Variants in CENPP observed in about 807,000 individuals in gnomAD.
CENPP encodes centromere protein P.
CENPP carries 24 observed loss-of-function variants against 35.6 expected under a neutral mutation model. That is an observed-to-expected ratio of 0.67 (90% CI 0.49 to 0.95). CENPP has a LOEUF of 0.95. Ranked by LOEUF, CENPP falls within the 40% of genes least tolerant of loss-of-function variation. The probability of loss-of-function intolerance (pLI) is 0.00; values close to 1 mark genes in which losing one functional copy is unlikely to be tolerated. For missense variants in CENPP, 332 were observed against 345.3 expected (o/e 0.96, Z 0.31); for synonymous variants, 120 against 125.5 (o/e 0.96, Z 0.29).
chr9:92,600,225 G>A, intron 5 of CENPP: 1 of 1,280,484 alleles, frequency 7.8e-7, no homozygotes, highest in Non-Finnish European at 1.0e-6. Flanking sequence ...TACAAGAACA[G>A]AAGGGCGTGG....
chr9:92,393,722 A>G (rs1267465574), intron 5 of CENPP, among the ~76,000 whole-genome samples: 1 of 151,882 alleles, frequency 6.6e-6, no homozygotes, highest in African/African-American at 2.4e-5. Context: ...TACTTGTCAT[A>G]CCTCTTGGAA....
chr9:92,362,737 T>C (rs1482408334), intron 4 of CENPP, among the ~76,000 whole-genome samples: 1 of 152,246 alleles, frequency 6.6e-6, no homozygotes, highest in African/African-American at 2.4e-5. Context: ...TCTACTATGA[T>C]GTTTGCAAAA....
chr9:92,509,016 A>T, intron 5 of CENPP, among the ~76,000 whole-genome samples: 1 of 151,980 alleles, frequency 6.6e-6, no homozygotes, highest in Non-Finnish European at 1.5e-5. Flanking sequence ...GCTAGAATTC[A>T]TGAAAAGTAA....
rs1004392957 is a variant in CENPP at position 92,414,003 on chromosome 9, T to C, written c.564+34144T>C. On this transcript the variant is annotated intron_variant, in intron 5 of 7. Transcript: ENST00000375587. ...TTGTTATCATTTGTATAGGCAGCCC[T>C]AGATTGGTATTTGTCCCTTATCTGA... is the stretch of plus-strand genomic sequence containing the variant. 5.3e-5 allele frequency among the ~76,000 whole-genome samples: 8 copies of C among 152,212 alleles called. No individual in the cohort carries two copies. The East Asian group carries it at 5.8e-4, about 11-fold the overall frequency.
rs201457341 is a variant in CENPP, at chr9:92,558,050, A to AT, written c.565-53257dup. Among the ~76,000 whole-genome samples the AT allele has an allele frequency of 1.2e-3, 188 of 151,824 alleles. 3 individuals carry two copies. In the East Asian group the frequency reaches 0.034, roughly 27 times the overall value. On this transcript the variant is annotated intron_variant, in intron 5 of 7. Transcript: ENST00000375587. The stretch of plus-strand genomic sequence containing the variant: ...TATTTCTCCCTTCACTTCTTGTATC[A>AT]TTTTTTTGGATTTCCTTGCTTTGGG...
intron 5 of CENPP, among the ~76,000 whole-genome samples, chr9:92,437,760 T>A (rs552179326): frequency 2.0e-5 from 3 of 152,042 alleles, no homozygotes; most frequent in Non-Finnish European, 2.9e-5. Context: ...TAAAGTCCAA[T>A]TTATAAGTTA....
At chr9:92,466,664 A>G (rs1170402640) in intron 5 of CENPP, 4 of 1,150,396 alleles carry the variant, frequency 3.5e-6, no homozygotes, top group African/African-American at 3.1e-5. Context: ...AATCAGTACA[A>G]TTTATATCAG....
In CENPP at chr9:92,379,096, A is replaced by G. The variant is rs1161312205; in HGVS notation, c.468-667A>G. Among the ~76,000 whole-genome samples, 4 of 152,242 alleles carry G rather than the reference A, an allele frequency of 2.6e-5. No homozygotes were observed. In the East Asian group the frequency reaches 5.8e-4, roughly 22 times the overall value. ...GCTCACAGAACGTACTGAAAACACTATACTTACAATTAGCATTTTATTATG... is the reference window on the plus strand; with the variant it reads ...GCTCACAGAACGTACTGAAAACACTGTACTTACAATTAGCATTTTATTATG... On this transcript the variant is annotated intron_variant, in intron 4 of 7. Coordinates refer to ENST00000375587, the MANE Select transcript of CENPP (RefSeq NM_001012267.3).
intron 5 of CENPP, chr9:92,474,562 A>G: frequency 1.9e-6 from 3 of 1,539,060 alleles, no homozygotes; most frequent in Non-Finnish European, 2.6e-6. Context: ...GACTTTTTCC[A>G]TCCTTTAAAT....
At chr9:92,570,040 T>C (rs928775669) in intron 5 of CENPP, among the ~76,000 whole-genome samples, 3 of 152,122 alleles carry the variant, frequency 2.0e-5, no homozygotes, top group African/African-American at 7.2e-5. Flanking sequence ...GACAATTTGA[T>C]TTCCTTTTTT....
intron 5 of CENPP, among the ~76,000 whole-genome samples, chr9:92,531,674 C>A (rs938184413): frequency 6.6e-6 from 1 of 152,096 alleles, no homozygotes; most frequent in African/African-American, 2.4e-5. Context: ...CCAAATGTAA[C>A]CCGCCCCTCA....
intron 5 of CENPP, among the ~76,000 whole-genome samples, chr9:92,578,702 C>T (rs1264093590): frequency 1.3e-5 from 2 of 151,762 alleles, no homozygotes; most frequent in African/African-American, 2.4e-5. Context: ...GGATATTAGC[C>T]CTTTGTCAGA....
chr9:92,588,327 C>A (rs1008210889), intron 5 of CENPP, among the ~76,000 whole-genome samples: 5 of 151,676 alleles, frequency 3.3e-5, no homozygotes, highest in Non-Finnish European at 1.5e-5. Context: ...CGGCTCACTG[C>A]AAGCTCTGTC....
rs567184310 is a variant in CENPP at position 92,330,656 on chromosome 9, A to T, written c.108-1514A>T. Among the ~76,000 whole-genome samples the T allele has an allele frequency of 5.3e-5, 8 of 150,540 alleles. No homozygotes were observed. The East Asian group carries it at 5.8e-4, about 11-fold the overall frequency. On this transcript the variant is annotated intron_variant, in intron 1 of 7. Transcript: ENST00000375587. The stretch of plus-strand genomic sequence containing the variant: ...ATTATTAGCTAAAATTTCTTTTTTT[A>T]AAAAAGTTTAAGTTTTTTTTTTCTT...
At chr9:92,496,948 A>G (rs1846380921) in intron 5 of CENPP, among the ~76,000 whole-genome samples, 1 of 152,114 alleles carries the variant, frequency 6.6e-6, no homozygotes, top group Non-Finnish European at 1.5e-5. Context: ...TGCAAAAAAA[A>G]AAAAAAATCC....
intron 5 of CENPP, among the ~76,000 whole-genome samples, chr9:92,468,523 G>A (rs867470660): frequency 1.3e-5 from 2 of 152,166 alleles, no homozygotes; most frequent in African/African-American, 2.4e-5. Context: ...ATTTTGCTCT[G>A]ACTGTATCAT....
chr9:92,364,806 A>G (rs1402839348), intron 4 of CENPP, among the ~76,000 whole-genome samples: 1 of 152,214 alleles, frequency 6.6e-6, no homozygotes, highest in Non-Finnish European at 1.5e-5. Context: ...AATTGATGGT[A>G]GAGTACATGC....
chr9:92,415,499 T>G (rs1458324111), intron 5 of CENPP: 1 of 1,410,708 alleles, frequency 7.1e-7, no homozygotes, highest in Non-Finnish European at 9.6e-7. Context: ...AAATTAAAAA[T>G]TAATCTTGTA....
At chr9:92,377,209 C>A (rs985513378) in intron 4 of CENPP, among the ~76,000 whole-genome samples, 2 of 152,206 alleles carry the variant, frequency 1.3e-5, no homozygotes. Context: ...GATTTGGGGG[C>A]TGCTTTTTAT....
Sources: allele counts gnomAD v4.1 joint callset (sites outside exome capture counted in the v4.1 genomes callset), GRCh38; gene constraint gnomAD v4.1.1; transcripts MANE v1.5; gene names NCBI Gene and HGNC (gene_info 2026-07-23, HGNC 2026-07-21).